Variants in HEATR4 observed in about 807,000 individuals in gnomAD.
HEATR4 encodes HEAT repeat containing 4, also known as HEAT repeat-containing protein 4.
In HEATR4, 95 loss-of-function variants were observed where a neutral mutation model predicts 108.8. The observed-to-expected ratio is 0.87, with a 90% CI of 0.74 to 1.04. HEATR4 has a LOEUF of 1.04. HEATR4 is among the 50% of genes least tolerant of loss of function. The pLI is 0.00. For synonymous variants in HEATR4, 443 were observed against 459.4 expected, an observed-to-expected ratio of 0.96 and a Z score of 0.46; for missense variants, 1,152 against 1,253.8, an observed-to-expected ratio of 0.92 and a Z score of 1.23.
chr14:73,613,193 C>G, the HEATR4 span, among the ~76,000 whole-genome samples: 4 of 152,110 alleles, frequency 2.6e-5, no homozygotes, highest in Non-Finnish European at 5.9e-5. Context: ...GCTGGAGTGC[C>G]GTGGCTGGAT....
chr14:73,560,660 T>TAA (rs1332445196), upstream of HEATR4, among the ~76,000 whole-genome samples: 1 of 93,334 alleles, frequency 1.1e-5, no homozygotes. Context: ...AGACTCCATC[T>TAA]CAAAAAAAAA....
intron 7 of HEATR4, among the ~76,000 whole-genome samples, chr14:73,511,088 T>C (rs942854782): frequency 2.0e-5 from 3 of 152,232 alleles, no homozygotes; most frequent in Non-Finnish European, 4.4e-5. Flanking sequence ...AAGTTCAAAT[T>C]CTCAAGTAGG....
At chr14:73,524,310 AATATATATAT>A (rs58047390) in intron 2 of HEATR4, among the ~76,000 whole-genome samples, 48 of 54,782 alleles carry the variant, frequency 8.8e-4, no homozygotes, top group Middle Eastern at 0.013. Context: ...AAAAAAAAAA[AATATATATAT>A]ATATATATAT....
At chr14:73,610,106 G>A in the HEATR4 span, among the ~76,000 whole-genome samples, 1 of 151,926 alleles carries the variant, frequency 6.6e-6, no homozygotes, top group Non-Finnish European at 1.5e-5. Flanking sequence ...AGTCAGAGTG[G>A]CTACCTAAAG....
chr14:73,517,299 G>A (rs908468293), intron 5 of HEATR4: 1 of 152,268 alleles, frequency 6.6e-6, no homozygotes, highest in South Asian at 2.1e-4. Flanking sequence ...AGGCTCAAGC[G>A]ATCTGCCTGC....
intron 5 of HEATR4, among the ~76,000 whole-genome samples, chr14:73,515,472 A>C (rs1462638354): frequency 6.6e-6 from 1 of 151,766 alleles, no homozygotes; most frequent in African/African-American, 2.4e-5. Context: ...TTGAGGTCAC[A>C]AGTTCGAGAC....
At chr14:73,529,768 C>T (rs565066031) in intron 2 of HEATR4, among the ~76,000 whole-genome samples, 1 of 152,084 alleles carries the variant, frequency 6.6e-6, no homozygotes, top group East Asian at 1.9e-4. Context: ...TGCATTCTCC[C>T]TTGTTATTAA....
chr14:73,593,165 C>T, the HEATR4 span, among the ~76,000 whole-genome samples: 2 of 152,200 alleles, frequency 1.3e-5, no homozygotes, highest in African/African-American at 4.8e-5. Flanking sequence ...TGCTTTATCA[C>T]AGGTCACACT....
At chr14:73,540,514 T>G (rs1889040958) in intron 1 of HEATR4, among the ~76,000 whole-genome samples, 1 of 110,294 alleles carries the variant, frequency 9.1e-6, no homozygotes, top group African/African-American at 3.2e-5. Context: ...GGAGAACACA[T>G]TCAGTATCAT....
chr14:73,507,549 T>C (rs34081655), intron 9 of HEATR4, among the ~76,000 whole-genome samples: 3,242 of 152,216 alleles, frequency 0.021, 62 homozygotes, highest in Non-Finnish European at 0.034. Context: ...TCCTCCCACC[T>C]CAGCCTCTTG....
At chr14:73,502,289 G>A (rs1440441601) in intron 11 of HEATR4, among the ~76,000 whole-genome samples, 3 of 151,958 alleles carry the variant, frequency 2.0e-5, no homozygotes, top group African/African-American at 7.3e-5. Flanking sequence ...TATGGTATAT[G>A]CCATTTGTTC....
the HEATR4 span, among the ~76,000 whole-genome samples, chr14:73,622,337 G>A: frequency 6.6e-6 from 1 of 152,078 alleles, no homozygotes; most frequent in Non-Finnish European, 1.5e-5. Context: ...ACCTAGAAAT[G>A]GCATACACTG....
chr14:73,624,632 T>C, the HEATR4 span, among the ~76,000 whole-genome samples: 1 of 152,094 alleles, frequency 6.6e-6, no homozygotes, highest in Non-Finnish European at 1.5e-5. Context: ...AAACCCTCTT[T>C]TTAGTAACTC....
Position 73,544,293 on chromosome 14 carries a change from C to G in HEATR4, c.-151-14049G>C, listed in dbSNP as rs959024176. Among the ~76,000 whole-genome samples, 8 of 113,124 alleles carry G rather than the reference C, an allele frequency of 7.1e-5. 2 individuals carry two copies. Among genetic ancestry groups the G allele is most frequent in the African/African-American group, 2.3e-4 (8 of 34,930 alleles). The allele number at this position is 113,124 out of a possible 152,430, so 74.2% of individuals were successfully genotyped here. On this transcript the variant is annotated intron_variant, in intron 1 of 17. Transcript: ENST00000553558. ...TGGGTAACACAGCAAGACTATGCCTCAAAAATAAATAAATTAATTAAATAA... is the reference window on the plus strand; with the variant it reads ...TGGGTAACACAGCAAGACTATGCCTGAAAAATAAATAAATTAATTAAATAA...
At chr14:73,485,168 A>C (rs926162873) in intron 17 of HEATR4, among the ~76,000 whole-genome samples, 1 of 152,130 alleles carries the variant, frequency 6.6e-6, no homozygotes, top group Non-Finnish European at 1.5e-5. Flanking sequence ...TGTCTCAAAA[A>C]AGAAAAAAGA....
rs1182392013 is a variant in HEATR4, at chr14:73,532,039, T to C, written c.-151-1795A>G. On this transcript the variant is annotated intron_variant, in intron 1 of 17. Coordinates refer to ENST00000553558, the MANE Select transcript of HEATR4 (RefSeq NM_001220484.1). ...AAGAGTGAAGTGCAGTCTCAAAAAATAAAAATAAAAAAACCCTCTAGATGT... is the reference window on the plus strand; with the variant it reads ...AAGAGTGAAGTGCAGTCTCAAAAAACAAAAATAAAAAAACCCTCTAGATGT... Among the ~76,000 whole-genome samples the C allele has an allele frequency of 2.9e-4, 33 of 112,734 alleles. 7 individuals are homozygous for C. The highest frequency in any genetic ancestry group is 9.5e-4 in the African/African-American group (33 of 34,612). The allele number at this position is 112,734 out of a possible 152,430, so 74.0% of individuals were successfully genotyped here. A position where few individuals can be genotyped will look rare whatever the true frequency, so the allele number is the denominator to read the frequency against.
the HEATR4 span, among the ~76,000 whole-genome samples, chr14:73,576,566 A>T: frequency 1.3e-5 from 2 of 151,720 alleles, no homozygotes; most frequent in Non-Finnish European, 2.9e-5. Flanking sequence ...ACTTTGGGAG[A>T]CCAAGGCCAG....
Position 73,492,173 on chromosome 14 carries a change from G to C in HEATR4, c.2844+893C>G, listed in dbSNP as rs765631665. 1 of 1,613,966 alleles carries C rather than the reference G, an allele frequency of 6.2e-7. No homozygotes were observed. The highest frequency in any genetic ancestry group is 8.5e-7 in the Non-Finnish European group (1 of 1,179,894). On this transcript the variant is annotated intron_variant, in intron 17 of 17. Transcript: ENST00000553558. This position sits in a 1 kb window ranked among gnomAD's most constrained non-coding sequence, Gnocchi z 4.9. The stretch of plus-strand genomic sequence containing the variant: ...CAGTCAGGACGACCTCGGTGAGCCG[G>C]TGCTGCAGACCGTGCTGGAACCTGG...
At chr14:73,563,952 C>G in the HEATR4 span, among the ~76,000 whole-genome samples, 2 of 151,608 alleles carry the variant, frequency 1.3e-5, no homozygotes, top group African/African-American at 4.8e-5. Flanking sequence ...AATGAACTAT[C>G]ATGGTGCCAT....
Sources: gnomAD v4.1 joint callset for allele counts (sites outside exome capture counted in the v4.1 genomes callset) on GRCh38, gnomAD v4.1.1 for gene constraint, Gnocchi (gnomAD v3.1) non-coding constraint, MANE v1.5 for transcripts, NCBI Gene and HGNC (gene_info 2026-07-23, HGNC 2026-07-21) for gene names.